The following XPO5 variants were observed in gnomAD, a reference collection of about 807,000 sequenced individuals.
XPO5 encodes the protein exportin 5, also known as exportin-5.
In XPO5, 46 loss-of-function variants were observed where a neutral mutation model predicts 160.6. The ratio of observed to expected loss-of-function variants is 0.29; its 90% CI spans 0.23 to 0.37. XPO5 has a LOEUF of 0.37. Among genes scored for constraint, XPO5 ranks in the 10% least tolerant of loss-of-function variants. XPO5 has a pLI of 1.00. For missense variants in XPO5, 1,090 were observed against 1,463.9 expected (o/e 0.74, Z 4.17); for synonymous variants, 537 against 519.3 (o/e 1.03, Z -0.46).
intron 8 of XPO5, among the ~76,000 whole-genome samples, chr6:43,564,613 A>AT (rs950463986): frequency 2.6e-5 from 4 of 151,842 alleles, no homozygotes; most frequent in Non-Finnish European, 4.4e-5. Context: ...TTTAAAAACT[A>AT]TTTTTTTGAG....
chr6:43,573,016 A>C (rs970395413), intron 2 of XPO5, among the ~76,000 whole-genome samples: 1 of 152,196 alleles, frequency 6.6e-6, no homozygotes, highest in South Asian at 2.1e-4. Context: ...ATAGGTGTTG[A>C]GGGTAGGACA....
rs962298749 is a variant in XPO5, at chr6:43,553,504, C to T, written c.1442-1G>A. 1.2e-5 allele frequency: 18 copies of T among 1,551,260 alleles called. No individual in the cohort carries two copies. The highest frequency in any genetic ancestry group is 1.6e-5 in the Non-Finnish European group (18 of 1,148,018). ...TCTCCAGTTCCAACTGCAGAACAAG[C>T]TTTAAAACACACACACACACATACA... On this transcript the variant is annotated splice_acceptor_variant, in intron 13 of 31. Coordinates refer to ENST00000265351, the MANE Select transcript of XPO5 (RefSeq NM_020750.3). LOFTEE classifies it high-confidence loss of function.
intron 10 of XPO5, among the ~76,000 whole-genome samples, chr6:43,560,576 TAGA>T (rs1762366606): frequency 6.6e-6 from 1 of 152,250 alleles, no homozygotes; most frequent in African/African-American, 2.4e-5. Context: ...AGAGTGATAT[TAGA>T]AGGACAATTT....
intron 14 of XPO5, among the ~76,000 whole-genome samples, chr6:43,552,791 C>T (rs541707173): frequency 1.3e-5 from 2 of 152,296 alleles, no homozygotes; most frequent in East Asian, 3.9e-4. Context: ...TGTGCATACC[C>T]TCCTTTTCAG....
rs1479515355 is a variant in XPO5, at chr6:43,553,469, G to C, written c.1476C>G (p.Leu492=). The change falls in exon 14 of 32, where the codon CTC becomes CTG. Residue 492 remains leucine (L), a synonymous_variant. Coordinates refer to ENST00000265351, the MANE Select transcript of XPO5 (RefSeq NM_020750.3). ...CGAATGAAGGTGAGAAGACGGAACA[G>C]AGGCTTCCTTCTCCAGTTCCAACTG... ...CSAVGTGEGS[L]CSVFSPSFVQ... The C allele has an allele frequency of 6.4e-7, 1 of 1,570,864 alleles. No individual in the cohort carries two copies. The highest frequency in any genetic ancestry group is 8.6e-7 in the Non-Finnish European group (1 of 1,157,574).
At position 43,549,581 on chromosome 6, in the gene XPO5, G is replaced by GA. The variant is rs1277724578; in HGVS notation, c.1771-4dup. ...CTCACTGCCCGGGTTCTGGGGGCCTGAAAAGAGACATTCAACAAACTCGGA... is the reference window on the plus strand; with the variant it reads ...CTCACTGCCCGGGTTCTGGGGGCCTGAAAAAGAGACATTCAACAAACTCGGA... On this transcript the variant is annotated splice_polypyrimidine_tract_variant and splice_region_variant and intron_variant, in intron 16 of 31. Coordinates refer to ENST00000265351, the MANE Select transcript of XPO5 (RefSeq NM_020750.3). The GA allele has an allele frequency of 4.3e-6, 7 of 1,612,082 alleles. No homozygotes were observed. Among genetic ancestry groups the GA allele is most frequent in the Non-Finnish European group, 5.1e-6 (6 of 1,179,262 alleles).
chr6:43,562,138 C>T, intron 9 of XPO5, 109 bp downstream of exon 9: 1 of 741,228 alleles, frequency 1.3e-6, no homozygotes. Context: ...ATGGCACTGC[C>T]CCATCAGGCT....
At chr6:43,539,007 G>A (rs932489250) in intron 20 of XPO5, 80 of 1,535,122 alleles carry the variant, frequency 5.2e-5, no homozygotes, top group Non-Finnish European at 7.1e-5. Flanking sequence ...AAGTTGCCCA[G>A]GGTGGCAGTG....
intron 27 of XPO5, 52 bp downstream of exon 27, chr6:43,526,633 C>A: frequency 6.2e-7 from 1 of 1,600,770 alleles, no homozygotes; most frequent in Non-Finnish European, 8.5e-7. Context: ...TCAGAAGGAA[C>A]AGTATTTAGG....
At chr6:43,527,585 C>T (rs1305096376) in intron 26 of XPO5, 49 bp downstream of exon 26, 3 of 1,598,284 alleles carry the variant, frequency 1.9e-6, no homozygotes, top group East Asian at 2.2e-5. Flanking sequence ...GCGACCAGCT[C>T]TTCTTCCAGG....
rs758925973 is a variant in XPO5 at position 43,522,771 on chromosome 6, C to T, written c.*1097G>A. The T allele has an allele frequency of 2.1e-6, 1 of 467,854 alleles. No homozygotes were observed. Among genetic ancestry groups the T allele is most frequent in the South Asian group, 1.6e-5 (1 of 64,240 alleles). 29.0% of individuals were successfully genotyped at this position (467,854 alleles called of 1,614,324 possible). ...TTTTTGTGCAGAGCACATGGACACA[C>T]TGGTTTCTGTATGGATTAACTCTGC... On this transcript the variant is annotated 3_prime_UTR_variant, in exon 32 of 32. Transcript: ENST00000265351.
At chr6:43,551,160 G>T in intron 15 of XPO5, 138 bp downstream of exon 15, 1 of 824,472 alleles carries the variant, frequency 1.2e-6, no homozygotes, top group Non-Finnish European at 1.8e-6. Context: ...GAAGGGTGAG[G>T]TGTGAGGATC....
intron 17 of XPO5, among the ~76,000 whole-genome samples, chr6:43,549,112 G>T (rs1795106379): frequency 6.6e-6 from 1 of 152,144 alleles, no homozygotes; most frequent in Non-Finnish European, 1.5e-5. Context: ...TGCCCAGGCT[G>T]GAGCAATGGC....
chr6:43,565,573 A>G, intron 8 of XPO5, 87 bp downstream of exon 8: 1 of 1,292,660 alleles, frequency 7.7e-7, no homozygotes, highest in Non-Finnish European at 1.0e-6. Context: ...CAAAATAAAA[A>G]AAAAAAAAAG....
chr6:43,558,770 T>A (rs1197190291), intron 11 of XPO5, 179 bp from the exon 12 acceptor site: 1 of 502,478 alleles, frequency 2.0e-6, no homozygotes, highest in Non-Finnish European at 3.5e-6. Flanking sequence ...CCAGTTCCAG[T>A]ATTCCTCAGT....
chr6:43,553,884 TATA>T (rs1291374174), intron 13 of XPO5, among the ~76,000 whole-genome samples: 6 of 152,004 alleles, frequency 3.9e-5, no homozygotes, highest in African/African-American at 1.4e-4. Context: ...CCTCCCCCTT[TATA>T]ATCTTTTCCA....
At position 43,560,262 on chromosome 6, in the gene XPO5, G is replaced by T. The variant is rs1372316174; in HGVS notation, c.1137C>A (p.Phe379Leu). 6.2e-6 allele frequency: 10 copies of T among 1,612,056 alleles called. No homozygotes were observed. The highest frequency in any genetic ancestry group is 8.5e-6 in the Non-Finnish European group (10 of 1,179,026). Residue 379 changes from phenylalanine (F) to leucine (L), a missense_variant, in exon 11 of 32, where the codon TTC becomes TTA. Physicochemically the swap from Phe to Leu is conservative, Grantham distance 22. This residue lies in a region of XPO5 where 810 missense variants were observed against 1,139.0 expected (regional missense o/e 0.71). Coordinates refer to ENST00000265351, the MANE Select transcript of XPO5 (RefSeq NM_020750.3). Reference protein sequence around the residue: ...SSTQMTWGALFRHEILSRDPL... With the variant: ...SSTQMTWGALLRHEILSRDPL... ...GATCACGGGACAGGATTTCATGCCT[G>T]AAGAGGGCTCCCCAAGTCATCTGAG...
chr6:43,527,809 T>C, intron 25 of XPO5, 78 bp from the exon 26 acceptor site: 1 of 1,476,412 alleles, frequency 6.8e-7, no homozygotes, highest in African/African-American at 1.4e-5. Flanking sequence ...CTAATCAGAC[T>C]CTCTCTGACC....
At chr6:43,542,960 C>T (rs1230764860) in intron 20 of XPO5, among the ~76,000 whole-genome samples, 1 of 151,752 alleles carries the variant, frequency 6.6e-6, no homozygotes, top group African/African-American at 2.4e-5. Flanking sequence ...AAAATATCAC[C>T]CAAAGGTCCA....
Sources: allele counts gnomAD v4.1 joint callset (sites outside exome capture counted in the v4.1 genomes callset), GRCh38; gene constraint gnomAD v4.1.1; regional missense constraint gnomAD v4.1.1; transcripts MANE v1.5; gene names NCBI Gene and HGNC (gene_info 2026-07-23, HGNC 2026-07-21).